Variants in FGF14 observed in about 807,000 individuals in gnomAD.
The protein encoded by FGF14 is fibroblast growth factor 14, also known as fibroblast growth factor homologous factor 4.
Under a neutral mutation model 25.5 loss-of-function variants are expected in FGF14, and 5 were observed. The ratio of observed to expected loss-of-function variants is 0.20; its 90% CI spans 0.10 to 0.41. The LOEUF (loss-of-function observed/expected upper bound fraction) is 0.41, where lower values mean the gene tolerates loss of function less well. Ranked by LOEUF, FGF14 falls within the 10% of genes least tolerant of loss-of-function variation. The probability of loss-of-function intolerance (pLI) is 1.00; values close to 1 mark genes in which losing one functional copy is unlikely to be tolerated. For missense variants in FGF14, 222 were observed against 320.1 expected (o/e 0.69, Z 2.34); for synonymous variants, 138 against 118.3 (o/e 1.17, Z -1.08).
At chr13:102,243,494 C>G (rs1177804053) in intron 1 of FGF14, among the ~76,000 whole-genome samples, 3 of 151,910 alleles carry the variant, frequency 2.0e-5, no homozygotes, top group Non-Finnish European at 4.4e-5. Flanking sequence ...TTGAATTGTT[C>G]AATTGAAACA....
At chr13:101,904,037 C>G (rs1313059688) in intron 1 of FGF14, among the ~76,000 whole-genome samples, 1 of 152,140 alleles carries the variant, frequency 6.6e-6, no homozygotes, top group African/African-American at 2.4e-5. Flanking sequence ...TCTCAATGTT[C>G]TAAGATCTAA....
At chr13:102,072,230 C>T (rs751713868) in intron 1 of FGF14, among the ~76,000 whole-genome samples, 2 of 152,142 alleles carry the variant, frequency 1.3e-5, no homozygotes, top group Non-Finnish European at 2.9e-5. Context: ...TTGCCATTCT[C>T]ATTGGAGATA....
At chr13:102,280,587 C>A (rs1462121135) in intron 1 of FGF14, among the ~76,000 whole-genome samples, 1 of 152,192 alleles carries the variant, frequency 6.6e-6, no homozygotes, top group African/African-American at 2.4e-5. Flanking sequence ...GAATGCAGGA[C>A]AGCAGCTGAA....
chr13:101,882,326 C>T (rs1173480325), intron 1 of FGF14, among the ~76,000 whole-genome samples: 1 of 150,912 alleles, frequency 6.6e-6, no homozygotes, highest in East Asian at 2.0e-4. Flanking sequence ...ATTAGCATGA[C>T]AAAAAGTAGA....
chr13:102,011,019 T>C (rs995922557), intron 1 of FGF14, among the ~76,000 whole-genome samples: 1 of 152,210 alleles, frequency 6.6e-6, no homozygotes, highest in Non-Finnish European at 1.5e-5. Context: ...TTTTTAATAA[T>C]GCCATTGTTC....
At chr13:102,124,230 T>A (rs1335915065) in intron 1 of FGF14, among the ~76,000 whole-genome samples, 1 of 152,116 alleles carries the variant, frequency 6.6e-6, no homozygotes, top group African/African-American at 2.4e-5. Flanking sequence ...TTAACTGGGT[T>A]ATTAAGAGAA....
chr13:102,341,216 T>C (rs1204351050), intron 1 of FGF14, among the ~76,000 whole-genome samples: 1 of 152,150 alleles, frequency 6.6e-6, no homozygotes, highest in Admixed American at 6.6e-5. Flanking sequence ...TAAAAGTGAA[T>C]AGCTTTACAG....
intron 1 of FGF14, among the ~76,000 whole-genome samples, chr13:102,144,263 C>A (rs2046762244): frequency 3.3e-5 from 5 of 152,112 alleles, no homozygotes; most frequent in Admixed American, 3.3e-4. Context: ...CCACACCAAG[C>A]ATATGTTACA....
chr13:101,884,848 C>G (rs898652095), intron 1 of FGF14, among the ~76,000 whole-genome samples: 1 of 140,662 alleles, frequency 7.1e-6, no homozygotes, highest in African/African-American at 2.8e-5. Flanking sequence ...CTTGACCAAA[C>G]ACACACACAG....
chr13:101,971,423 T>C (rs1307713298), intron 1 of FGF14, among the ~76,000 whole-genome samples: 1 of 151,948 alleles, frequency 6.6e-6, no homozygotes, highest in Non-Finnish European at 1.5e-5. Context: ...CAGGCTGTAG[T>C]GCAGTGGCAT....
chr13:102,080,212 A>G (rs1400179444), intron 1 of FGF14, among the ~76,000 whole-genome samples: 1 of 152,190 alleles, frequency 6.6e-6, no homozygotes, highest in East Asian at 1.9e-4. Flanking sequence ...GTAGAAGCAA[A>G]AAGACCAGTT....
At chr13:102,305,726 A>G (rs2055337304) in intron 1 of FGF14, among the ~76,000 whole-genome samples, 1 of 152,184 alleles carries the variant, frequency 6.6e-6, no homozygotes, top group South Asian at 2.1e-4. Flanking sequence ...TATTACAGAG[A>G]GTGAACTCAG....
rs1457104005 is a variant in FGF14, at chr13:102,030,028, T to G, written c.209-154732A>C. 2.0e-5 allele frequency among the ~76,000 whole-genome samples: 3 copies of G among 152,024 alleles called. No individual in the cohort carries two copies. In the East Asian group the frequency reaches 5.8e-4, roughly 29 times the overall value. On this transcript the variant is annotated intron_variant, in intron 1 of 4. Transcript: ENST00000376131. ...ATACATAAACTACGGACTCCTCTTT[T>G]TAGGAGAGAAAAGTATTATGTGTCA... is the stretch of plus-strand genomic sequence containing the variant.
intron 1 of FGF14, among the ~76,000 whole-genome samples, chr13:102,330,783 C>T (rs901512730): frequency 6.6e-6 from 1 of 152,112 alleles, no homozygotes; most frequent in Non-Finnish European, 1.5e-5. Context: ...CTAAAGCTTC[C>T]GTTACCATGT....
chr13:102,178,359 T>C (rs2048530523), intron 1 of FGF14, among the ~76,000 whole-genome samples: 1 of 152,196 alleles, frequency 6.6e-6, no homozygotes, highest in Non-Finnish European at 1.5e-5. Flanking sequence ...CACCTAGATC[T>C]CTAATATAAC....
intron 1 of FGF14, among the ~76,000 whole-genome samples, chr13:102,217,169 C>G (rs543098507): frequency 1.3e-5 from 2 of 152,292 alleles, no homozygotes; most frequent in East Asian, 3.9e-4. Context: ...CATACATACC[C>G]AGTAGTGAAC....
At chr13:102,159,748 G>T (rs2047536117) in intron 1 of FGF14, among the ~76,000 whole-genome samples, 1 of 152,188 alleles carries the variant, frequency 6.6e-6, no homozygotes, top group Non-Finnish European at 1.5e-5. Context: ...ACAACATACA[G>T]TTAGTATTGG....
intron 1 of FGF14, among the ~76,000 whole-genome samples, chr13:102,245,375 T>C (rs1273888255): frequency 6.6e-6 from 1 of 152,134 alleles, no homozygotes; most frequent in Non-Finnish European, 1.5e-5. Flanking sequence ...GTATTTACGA[T>C]GAGTCTTTTA....
intron 1 of FGF14, chr13:102,045,999 T>C (rs1392217541): frequency 6.5e-6 from 1 of 154,334 alleles, no homozygotes; most frequent in Non-Finnish European, 1.5e-5. Flanking sequence ...TGATTGATCT[T>C]GTGAGGGTTA....
Sources: allele counts gnomAD v4.1 joint callset (sites outside exome capture counted in the v4.1 genomes callset), GRCh38; gene constraint gnomAD v4.1.1; transcripts MANE v1.5; gene names NCBI Gene and HGNC (gene_info 2026-07-23, HGNC 2026-07-21).